The following PNPLA5 variants were observed in gnomAD, a reference collection of about 807,000 sequenced individuals.
The protein encoded by PNPLA5 is patatin like domain 5, triacylglycerol lipase, also known as patatin-like phospholipase domain-containing protein 5.
In PNPLA5, 44 loss-of-function variants were observed where a neutral mutation model predicts 49.1. The observed-to-expected ratio is 0.90, with a 90% CI of 0.70 to 1.15. PNPLA5 has a LOEUF of 1.15. Ranked by LOEUF, PNPLA5 falls within the 50% of genes most tolerant of loss-of-function variation. The pLI is 0.00. For synonymous variants in PNPLA5, 243 were observed against 244.4 expected, an observed-to-expected ratio of 0.99 and a Z score of 0.06; for missense variants, 603 against 564.0, an observed-to-expected ratio of 1.07 and a Z score of -0.70.
chr22:43,880,635 A>G lies in PNPLA5; in HGVS notation c.*160T>C, dbSNP rs918114032. The G allele has an allele frequency of 3.5e-5, 22 of 629,346 alleles. No homozygotes were observed. Among genetic ancestry groups the G allele is most frequent in the Non-Finnish European group, 2.3e-6 (1 of 436,324 alleles). 39.0% of individuals were successfully genotyped at this position (629,346 alleles called of 1,614,324 possible). ...ACCTGGGTACACAGTGACCGGGGAC[A>G]TGCTGACAGGCTGCGCCCCAAGGAA... On this transcript the variant is annotated 3_prime_UTR_variant, in exon 9 of 9. Coordinates refer to ENST00000216177, the MANE Select transcript of PNPLA5 (RefSeq NM_138814.4).
chr22:43,891,924 T>C lies in PNPLA5; in HGVS notation c.-44A>G. 2 of 1,476,104 alleles carry C rather than the reference T, an allele frequency of 1.4e-6. No homozygotes were observed. The highest frequency in any genetic ancestry group is 1.8e-6 in the Non-Finnish European group (2 of 1,113,582). 91.4% of individuals were successfully genotyped at this position (1,476,104 alleles called of 1,614,324 possible). A position where few individuals can be genotyped will look rare whatever the true frequency, so the allele number is the denominator to read the frequency against. On this transcript the variant is annotated 5_prime_UTR_variant, in exon 1 of 9. Coordinates refer to ENST00000216177, the MANE Select transcript of PNPLA5 (RefSeq NM_138814.4). ...GGTGATCGGGACGAGGAAGGGTCACTCCGTGACCCGGGATAGGGCCGGGAT... is the reference window on the plus strand; with the variant it reads ...GGTGATCGGGACGAGGAAGGGTCACCCCGTGACCCGGGATAGGGCCGGGAT...
At chr22:43,882,882 G>T (rs915885702) in intron 7 of PNPLA5, among the ~76,000 whole-genome samples, 1 of 151,984 alleles carries the variant, frequency 6.6e-6, no homozygotes, top group Non-Finnish European at 1.5e-5. Flanking sequence ...GAAAATACAG[G>T]TCCCCCCATG....
intron 8 of PNPLA5, among the ~76,000 whole-genome samples, chr22:43,881,234 G>A (rs1367961157): frequency 1.3e-5 from 2 of 152,214 alleles, no homozygotes; most frequent in African/African-American, 4.8e-5. Context: ...AGGTCACGTG[G>A]GGACGTCTGG....
At chr22:43,886,681 C>T (rs1461466971) in intron 5 of PNPLA5, 193 bp from the exon 6 acceptor site, 17 of 888,562 alleles carry the variant, frequency 1.9e-5, no homozygotes, top group South Asian at 1.0e-4. Flanking sequence ...TGCCCACTTT[C>T]GAGTGGCTCA....
Position 43,887,637 on chromosome 22 carries a change from G to A in PNPLA5, c.717C>T (p.Asn239=). The A allele has an allele frequency of 2.5e-6, 4 of 1,606,120 alleles. No homozygotes were observed. The highest frequency in any genetic ancestry group is 3.4e-6 in the Non-Finnish European group (4 of 1,175,882). The change falls in exon 5 of 9, where the codon AAC becomes AAT. Residue 239 remains asparagine, a synonymous_variant. Coordinates refer to ENST00000216177, the MANE Select transcript of PNPLA5 (RefSeq NM_138814.4). ...GGGCATCCAGGTAGCCTTGTCTGCA[G>A]TTGTCGGCCACTACCTGCCAACACA... The part of the protein sequence containing the change: ...IPPSLEVVAD[N]CRQGYLDALR...
intron 8 of PNPLA5, 129 bp from the exon 9 acceptor site, chr22:43,881,014 C>T (rs2049604657): frequency 1.6e-6 from 2 of 1,237,172 alleles, no homozygotes; most frequent in African/African-American, 3.1e-5. Flanking sequence ...TGAGGGAGGA[C>T]ATGTGGACCT....
intron 6 of PNPLA5, among the ~76,000 whole-genome samples, chr22:43,885,128 G>T (rs1477519977): frequency 6.6e-6 from 1 of 152,230 alleles, no homozygotes; most frequent in South Asian, 2.1e-4. Context: ...AATGGCGAGG[G>T]CGCAGCGCCC....
At chr22:43,888,426 CTTTTTTTTTTT>C (rs11408284) in intron 4 of PNPLA5, among the ~76,000 whole-genome samples, 9,590 of 84,346 alleles carry the variant, frequency 0.11, 513 homozygotes, top group Admixed American at 0.13. Flanking sequence ...TTCTTTCCTT[CTTTTTTTTTTT>C]TTTTTTTTTT....
At chr22:43,882,793 T>C (rs2049623235) in intron 7 of PNPLA5, among the ~76,000 whole-genome samples, 1 of 152,238 alleles carries the variant, frequency 6.6e-6, no homozygotes, top group Non-Finnish European at 1.5e-5. Context: ...ACAGCAGGGC[T>C]GACCCAGTCA....
chr22:43,881,596 A>C lies in PNPLA5; in HGVS notation c.1161T>G (p.Val387=). 1 of 1,610,930 alleles carries C rather than the reference A, an allele frequency of 6.2e-7. No homozygotes were observed. The highest frequency in any genetic ancestry group is 8.5e-7 in the Non-Finnish European group (1 of 1,178,658). Residue 387 remains valine (V), a synonymous_variant, in exon 8 of 9, where the codon GTT becomes GTG. Coordinates refer to ENST00000216177, the MANE Select transcript of PNPLA5 (RefSeq NM_138814.4). Reference sequence around the variant, plus strand: ...GGAGCTGGGCCTTGGTCCTGGAGAAAACCTCGAGGGCCATGTTCCTCAGCA... The same window carrying C: ...GGAGCTGGGCCTTGGTCCTGGAGAACACCTCGAGGGCCATGTTCCTCAGCA... ...QGLLRNMALE[V]FSRTKAQLLG...
At chr22:43,881,107 A>AC (rs765071406) in intron 8 of PNPLA5, 3 of 599,404 alleles carry the variant, frequency 5.0e-6, no homozygotes, top group Non-Finnish European at 6.3e-6. Context: ...TGCTAAACAG[A>AC]TAACTGTCGA....
chr22:43,888,474 A>G (rs2049690431), intron 4 of PNPLA5, among the ~76,000 whole-genome samples: 1 of 125,484 alleles, frequency 8.0e-6, no homozygotes, highest in African/African-American at 3.2e-5. Context: ...TCACTCTGTC[A>G]CCCAGGCTAG....
At chr22:43,881,824 T>A (rs2148324604) in intron 7 of PNPLA5, 150 bp from the exon 8 acceptor site, 1 of 1,404,286 alleles carries the variant, frequency 7.1e-7, no homozygotes, top group Non-Finnish European at 9.4e-7. Context: ...CGTTGGCCAC[T>A]GTTGCAGAGC....
At chr22:43,888,424 T>C (rs1185177328) in intron 4 of PNPLA5, among the ~76,000 whole-genome samples, 1 of 94,382 alleles carries the variant, frequency 1.1e-5, no homozygotes, top group Admixed American at 1.5e-4. Context: ...CTTTCTTTCC[T>C]TCTTTTTTTT....
chr22:43,891,518 G>T, intron 1 of PNPLA5, 170 bp downstream of exon 1: 1 of 854,410 alleles, frequency 1.2e-6, no homozygotes, highest in Non-Finnish European at 1.4e-6. Context: ...TCCCTCCTCT[G>T]CAAATGGGGG....
At position 43,891,094 on chromosome 22, in the gene PNPLA5, T is replaced by A. The variant is rs1569507625; in HGVS notation, c.394A>T (p.Thr132Ser). The change falls in exon 2 of 9, where the codon ACT becomes TCT. Residue 132 changes from threonine (T) to serine (S), a missense_variant. Transcript: ENST00000216177. The stretch of plus-strand genomic sequence containing the variant: ...AGCTCATCGCAGGTGGCGAAGTCAG[T>A]GACCAAGAAGTTGCGTCCGTCAGGC... The part of the protein sequence containing the change: ...RWPDGRNFLV[T>S]DFATCDELIQ... 6.2e-7 allele frequency: 1 copy of A among 1,611,172 alleles called. No homozygotes were observed. The highest frequency in any genetic ancestry group is 1.7e-5 in the Admixed American group (1 of 59,774).
chr22:43,890,470 C>T (rs1003159793), intron 2 of PNPLA5, among the ~76,000 whole-genome samples: 8 of 152,298 alleles, frequency 5.3e-5, no homozygotes, highest in South Asian at 4.1e-4. Context: ...CTTGAGCGTG[C>T]GCGTACACAC....
In PNPLA5 at chr22:43,880,785, C is replaced by T; in HGVS notation, c.*10G>A. 1 of 1,325,850 alleles carries T rather than the reference C, an allele frequency of 7.5e-7. No individual in the cohort carries two copies. Among genetic ancestry groups the T allele is most frequent in the Middle Eastern group, 2.1e-4 (1 of 4,792 alleles). The allele number at this position is 1,325,850 out of a possible 1,614,324, so 82.1% of individuals were successfully genotyped here. ...GACACCAGTCACTGGGCTGGCCCTG[C>T]TCGGCCCCCTCAGGCCTGGTGGGTG... On this transcript the variant is annotated 3_prime_UTR_variant, in exon 9 of 9. Transcript: ENST00000216177.
At chr22:43,888,730 C>T (rs991415567) in intron 4 of PNPLA5, among the ~76,000 whole-genome samples, 8 of 152,254 alleles carry the variant, frequency 5.3e-5, no homozygotes, top group African/African-American at 9.6e-5. Flanking sequence ...CCACCACACC[C>T]GGCCAGGAGG....
Sources: allele counts gnomAD v4.1 joint callset (sites outside exome capture counted in the v4.1 genomes callset), GRCh38; gene constraint gnomAD v4.1.1; transcripts MANE v1.5; gene names NCBI Gene and HGNC (gene_info 2026-07-23, HGNC 2026-07-21).